Variants in MEIKIN observed in about 807,000 individuals in gnomAD.
MEIKIN encodes the protein meiosis-specific kinetochore protein.
chr5:131,850,751 C>T (rs1214918849), intron 11 of MEIKIN, among the ~76,000 whole-genome samples: 2 of 151,934 alleles, frequency 1.3e-5, no homozygotes, highest in Non-Finnish European at 2.9e-5. Context: ...ATAGCCTGGG[C>T]ACCATAACGA....
intron 8 of MEIKIN, among the ~76,000 whole-genome samples, chr5:131,891,985 G>T (rs577179179): frequency 6.6e-6 from 1 of 152,130 alleles, no homozygotes; most frequent in South Asian, 2.1e-4. Flanking sequence ...AGCTTAGTTT[G>T]GCTGGATATG....
chr5:131,822,934 A>ATTT (rs70974019), intron 11 of MEIKIN, among the ~76,000 whole-genome samples: 15 of 116,888 alleles, frequency 1.3e-4, no homozygotes, highest in Admixed American at 3.5e-4. Context: ...TGCTTAAAGG[A>ATTT]TTTTTTTTTT....
chr5:131,944,888 C>T (rs921554536), intron 2 of MEIKIN, 136 bp from the exon 3 acceptor site: 2 of 398,008 alleles, frequency 5.0e-6, no homozygotes, highest in Non-Finnish European at 8.8e-6. Context: ...GTGACTTGCA[C>T]CAAAACCCAA....
rs1580868628 is a variant in MEIKIN at position 131,842,805 on chromosome 5, T to C, written c.975+8459A>G. On this transcript the variant is annotated intron_variant, in intron 11 of 12. Transcript: ENST00000442687. ...TCCACATTTTATGCTTTGGATATCA[T>C]GCTTTACAACATCTTTTTATTTTGT... Among the ~76,000 whole-genome samples the C allele has an allele frequency of 2.0e-5, 3 of 152,374 alleles. No individual in the cohort carries two copies. In the East Asian group the frequency reaches 5.8e-4, roughly 29 times the overall value.
rs74847465 is a variant in MEIKIN, at chr5:131,933,553, G to A, written c.438C>T (p.Ser146=). 1,784 of 398,854 alleles carry A rather than the reference G, an allele frequency of 4.5e-3. 13 individuals carry two copies. Among genetic ancestry groups the A allele is most frequent in the Non-Finnish European group, 6.5e-3 (1,480 of 225,976 alleles). The allele number at this position is 398,854 out of a possible 1,614,324, so 24.7% of individuals were successfully genotyped here. Residue 146 remains serine (S), a synonymous_variant, in exon 5 of 13, where the codon AGC becomes AGT. Coordinates refer to ENST00000442687, the MANE Select transcript of MEIKIN (RefSeq NM_001303622.2). ...SYAEYKSFEE[S]FPSPELFRKS... Reference sequence around the variant, plus strand: ...TTCTGAACAGTTCAGGTGATGGAAAGCTCTCTTCAAAACTCTTGTATTCTG... The same window carrying A: ...TTCTGAACAGTTCAGGTGATGGAAAACTCTCTTCAAAACTCTTGTATTCTG...
chr5:131,818,649 T>A (rs760639721), intron 12 of MEIKIN, 91 bp downstream of exon 12: 2 of 383,298 alleles, frequency 5.2e-6, no homozygotes, highest in East Asian at 3.7e-5. Flanking sequence ...ATACAATTTA[T>A]AATTGAATTT....
At chr5:131,810,547 T>C (rs1772934319) in intron 12 of MEIKIN, among the ~76,000 whole-genome samples, 1 of 152,118 alleles carries the variant, frequency 6.6e-6, no homozygotes, top group Non-Finnish European at 1.5e-5. Context: ...GTAAGATGAG[T>C]AAAATAGACT....
intron 9 of MEIKIN, among the ~76,000 whole-genome samples, chr5:131,872,763 C>T (rs1750529355): frequency 6.6e-6 from 1 of 152,146 alleles, no homozygotes; most frequent in Non-Finnish European, 1.5e-5. Context: ...GTTGGGTTAC[C>T]CACAAAGGGA....
At chr5:131,876,717 T>C (rs1750620415) in intron 9 of MEIKIN, among the ~76,000 whole-genome samples, 1 of 151,510 alleles carries the variant, frequency 6.6e-6, no homozygotes, top group African/African-American at 2.4e-5. Context: ...TGAGGCACTA[T>C]TCACAATAGC....
chr5:131,923,823 T>A (rs1751545910), intron 5 of MEIKIN, among the ~76,000 whole-genome samples: 1 of 151,974 alleles, frequency 6.6e-6, no homozygotes, highest in Admixed American at 6.6e-5. Flanking sequence ...ATATTTAAAA[T>A]TATTTTTATA....
chr5:131,810,397 T>C (rs1772931505), intron 12 of MEIKIN, among the ~76,000 whole-genome samples: 1 of 152,208 alleles, frequency 6.6e-6, no homozygotes, highest in Non-Finnish European at 1.5e-5. Context: ...AAGGTATTAT[T>C]AGACTTCTCT....
intron 8 of MEIKIN, among the ~76,000 whole-genome samples, chr5:131,908,063 A>G (rs1456713295): frequency 6.6e-6 from 1 of 152,166 alleles, no homozygotes; most frequent in Non-Finnish European, 1.5e-5. Flanking sequence ...AGGATGAAGG[A>G]ATACTGACAA....
intron 11 of MEIKIN, among the ~76,000 whole-genome samples, chr5:131,848,136 T>A (rs1750049469): frequency 6.6e-6 from 1 of 151,638 alleles, no homozygotes; most frequent in African/African-American, 2.4e-5. Context: ...AGAAGAACCA[T>A]CTAAACCCAA....
At chr5:131,935,091 A>G (rs1311594823) in intron 4 of MEIKIN, among the ~76,000 whole-genome samples, 3 of 151,394 alleles carry the variant, frequency 2.0e-5, no homozygotes, top group Non-Finnish European at 4.4e-5. Flanking sequence ...AAAAAAGACA[A>G]GCTACAGATA....
intron 11 of MEIKIN, among the ~76,000 whole-genome samples, chr5:131,846,032 G>A (rs1750012653): frequency 6.6e-6 from 1 of 152,198 alleles, no homozygotes; most frequent in African/African-American, 2.4e-5. Context: ...AGCAAGAGAA[G>A]TGACTTGTTG....
intron 11 of MEIKIN, among the ~76,000 whole-genome samples, chr5:131,841,132 C>T (rs1292702566): frequency 6.6e-6 from 1 of 152,230 alleles, no homozygotes; most frequent in Non-Finnish European, 1.5e-5. Context: ...GCTCCCAACT[C>T]CTGAAATGCA....
chr5:131,850,923 A>G (rs1750104946), intron 11 of MEIKIN, among the ~76,000 whole-genome samples: 1 of 152,096 alleles, frequency 6.6e-6, no homozygotes, highest in South Asian at 2.1e-4. Context: ...ACTCCAGCAG[A>G]GAGGACAGAG....
intron 9 of MEIKIN, among the ~76,000 whole-genome samples, chr5:131,859,188 T>C (rs920263107): frequency 2.6e-5 from 4 of 152,194 alleles, no homozygotes; most frequent in African/African-American, 9.7e-5. Context: ...TGCCCATCAA[T>C]GGTAGACTGG....
chr5:131,922,283 C>T (rs1451903295), intron 5 of MEIKIN, among the ~76,000 whole-genome samples: 1 of 152,028 alleles, frequency 6.6e-6, no homozygotes, highest in Non-Finnish European at 1.5e-5. Flanking sequence ...TACAGTCAGC[C>T]CTTTGTATTT....
Sources: allele counts gnomAD v4.1 joint callset (sites outside exome capture counted in the v4.1 genomes callset), GRCh38; gene constraint gnomAD v4.1.1; transcripts MANE v1.5; gene names NCBI Gene and HGNC (gene_info 2026-07-23, HGNC 2026-07-21).